GSK3A: variants seen among roughly 807,000 people sequenced by gnomAD.
The protein encoded by GSK3A is glycogen synthase kinase 3 alpha, also known as glycogen synthase kinase-3 alpha.
Under a neutral mutation model 56.6 loss-of-function variants are expected in GSK3A, and 14 were observed. That is an observed-to-expected ratio of 0.25 (90% CI 0.16 to 0.39). The LOEUF is 0.39. Among genes scored for constraint, GSK3A ranks in the 10% least tolerant of loss-of-function variants. GSK3A has a pLI of 1.00. For synonymous variants in GSK3A, 301 were observed against 285.0 expected (o/e 1.06, Z -0.56); for missense variants, 450 against 656.0 (o/e 0.69, Z 3.43).
chr19:42,234,248 AG>A lies in GSK3A; in HGVS notation c.904+104del. The A allele has an allele frequency of 4.9e-6, 4 of 818,368 alleles. No individual in the cohort carries two copies. Among genetic ancestry groups the A allele is most frequent in the Non-Finnish European group, 8.5e-6 (4 of 467,974 alleles). The allele number at this position is 818,368 out of a possible 1,614,324, so 50.7% of individuals were successfully genotyped here. On this transcript the variant is annotated intron_variant, in intron 6 of 10. Coordinates refer to ENST00000222330, the MANE Select transcript of GSK3A (RefSeq NM_019884.3). This position sits in a 1 kb window ranked among gnomAD's most constrained non-coding sequence, Gnocchi z 5.7. Reference sequence around the variant, plus strand: ...CCTAAGTTTGTGAGGACTGGATACAAGAACAGAAGTTAAGCTTTCATCACCA... The same window carrying A: ...CCTAAGTTTGTGAGGACTGGATACAAAACAGAAGTTAAGCTTTCATCACCA...
intron 9 of GSK3A, 93 bp downstream of exon 9, chr19:42,232,403 G>T: frequency 8.3e-7 from 1 of 1,200,652 alleles, no homozygotes; most frequent in Non-Finnish European, 1.2e-6. Flanking sequence ...CCTGCCCTTA[G>T]CTCCCCACTC....
At chr19:42,232,845 G>T in intron 8 of GSK3A, 163 bp from the exon 9 acceptor site, 1 of 628,952 alleles carries the variant, frequency 1.6e-6, no homozygotes, top group Non-Finnish European at 2.7e-6. Context: ...GGAGAGGTCA[G>T]TTTGTATCGG....
chr19:42,241,987 T>C (rs915675358), intron 1 of GSK3A, 196 bp downstream of exon 1: 13 of 424,322 alleles, frequency 3.1e-5, no homozygotes, highest in Non-Finnish European at 5.2e-5. Flanking sequence ...GTAATTCTGA[T>C]CCACGAGTAA....
chr19:42,232,498 C>G lies in GSK3A; in HGVS notation c.1283G>C (p.Gly428Ala). 2 of 1,614,008 alleles carry G rather than the reference C, an allele frequency of 1.2e-6. No homozygotes were observed. Among genetic ancestry groups the G allele is most frequent in the Non-Finnish European group, 1.7e-6 (2 of 1,179,914 alleles). Residue 428 changes from glycine to alanine, a missense_variant and splice_region_variant, in exon 9 of 11, where the codon GGT becomes GCT. Physicochemically the swap from Gly to Ala is moderately conservative, Grantham distance 60. This residue lies in a region of GSK3A where 113 missense variants were observed against 147.5 expected (regional missense o/e 0.77). Transcript: ENST00000222330. The stretch of plus-strand genomic sequence containing the variant: ...CAGATCCCAGGCTATGCCCTCACCA[C>G]CAGCACTGAAGTTGAAGAGAGGGGG... ...PLPPLFNFSA[G>A]ELSIQPSLNA...
rs777463616 is a variant in GSK3A at position 42,232,140 on chromosome 19, A to G, written c.1295T>C (p.Ile432Thr). The G allele has an allele frequency of 3.8e-6, 6 of 1,598,744 alleles. No homozygotes were observed. In the Admixed American group the frequency reaches 5.0e-5, roughly 13 times the overall value. Residue 432 changes from isoleucine (I) to threonine (T), a missense_variant, in exon 10 of 11, where the codon ATC becomes ACC. Coordinates refer to ENST00000222330, the MANE Select transcript of GSK3A (RefSeq NM_019884.3). ...GAGAATGGCGTTGAGAGACGGTTGG[A>G]TGGAGAGTTCTAGAAACAGGAATTG... Reference protein sequence around the residue: ...LFNFSAGELSIQPSLNAILIP... With the variant: ...LFNFSAGELSTQPSLNAILIP...
At chr19:42,237,772 G>A (rs576960096) in intron 2 of GSK3A, among the ~76,000 whole-genome samples, 30 of 151,656 alleles carry the variant, frequency 2.0e-4, no homozygotes, top group African/African-American at 7.0e-4. Context: ...CCAGCTACTC[G>A]GGAGGCTGAG....
rs2036228309 is a variant in GSK3A, at chr19:42,232,159, G to A, written c.1286-10C>T. 1 of 1,518,190 alleles carries A rather than the reference G, an allele frequency of 6.6e-7. No individual in the cohort carries two copies. The highest frequency in any genetic ancestry group is 2.3e-5 in the East Asian group (1 of 44,368). The allele number at this position is 1,518,190 out of a possible 1,614,324, so 94.0% of individuals were successfully genotyped here. On this transcript the variant is annotated splice_polypyrimidine_tract_variant and intron_variant, in intron 9 of 10. Coordinates refer to ENST00000222330, the MANE Select transcript of GSK3A (RefSeq NM_019884.3). ...GGTTGGATGGAGAGTTCTAGAAACA[G>A]GAATTGACATGCTAGTCAGGGTAGA...
In GSK3A at chr19:42,242,390, C is replaced by T; in HGVS notation, c.76G>A (p.Gly26Ser). The change falls in exon 1 of 11, where the codon GGC becomes AGC. Residue 26 changes from glycine to serine, a missense_variant. Around this residue, in one of 3 missense-constraint regions of GSK3A, gnomAD observed 193 missense variants for 200.5 expected, o/e 0.96. Coordinates refer to ENST00000222330, the MANE Select transcript of GSK3A (RefSeq NM_019884.3). The part of the protein sequence containing the change: ...RARTSSFAEP[G>S]GGGGGGGGGP... The stretch of plus-strand genomic sequence containing the variant: ...CCGCCGCCTCCTCCGCCTCCGCCGC[C>T]GGGCTCCGCGAACGAGCTAGTCCGC... The T allele has an allele frequency of 1.4e-6, 2 of 1,388,348 alleles. No homozygotes were observed. The highest frequency in any genetic ancestry group is 9.3e-7 in the Non-Finnish European group (1 of 1,072,724). The allele number at this position is 1,388,348 out of a possible 1,614,324, so 86.0% of individuals were successfully genotyped here. A position where few individuals can be genotyped will look rare whatever the true frequency, so the allele number is the denominator to read the frequency against.
chr19:42,242,170 C>T lies in GSK3A; in HGVS notation c.283+13G>A. On this transcript the variant is annotated intron_variant, in intron 1 of 10. Coordinates refer to ENST00000222330, the MANE Select transcript of GSK3A (RefSeq NM_019884.3). ...CCTAATCACCACCCTACACGGGCGC[C>T]ACTAGTACTCACGGCCCAGCTTCAC... 1 of 1,392,126 alleles carries T rather than the reference C, an allele frequency of 7.2e-7. No homozygotes were observed. Among genetic ancestry groups the T allele is most frequent in the Non-Finnish European group, 9.3e-7 (1 of 1,076,540 alleles). 86.2% of individuals were successfully genotyped at this position (1,392,126 alleles called of 1,614,324 possible).
chr19:42,234,711 C>T lies in GSK3A; in HGVS notation c.667-33G>A. ...GGGCACAGGATAGCAGAACTTTAGC[C>T]CAGCTTTCCCCATACAGCACCACTA... On this transcript the variant is annotated intron_variant, in intron 4 of 10. Transcript: ENST00000222330. This position sits in a 1 kb window ranked among gnomAD's most constrained non-coding sequence, Gnocchi z 5.7. 1 of 1,514,756 alleles carries T rather than the reference C, an allele frequency of 6.6e-7. No homozygotes were observed. The highest frequency in any genetic ancestry group is 2.0e-5 in the Admixed American group (1 of 49,494). The allele number at this position is 1,514,756 out of a possible 1,614,324, so 93.8% of individuals were successfully genotyped here.
Position 42,232,561 on chromosome 19 carries a change from C to T in GSK3A, c.1220G>A (p.Arg407Gln), listed in dbSNP as rs574208169. 2 of 1,614,116 alleles carry T rather than the reference C, an allele frequency of 1.2e-6. No homozygotes were observed. Among genetic ancestry groups the T allele is most frequent in the Non-Finnish European group, 1.7e-6 (2 of 1,180,018 alleles). The change falls in exon 9 of 11, where the codon CGA becomes CAA. Residue 407 changes from arginine (R) to glutamine (Q), a missense_variant. This residue lies in a region of GSK3A where 113 missense variants were observed against 147.5 expected (regional missense o/e 0.77). Coordinates refer to ENST00000222330, the MANE Select transcript of GSK3A (RefSeq NM_019884.3). ...GTTAGGCAGCTGGGTTCCCAGACATCGCAGTTCATCAAAGAAGCTGTGCGC... is the reference window on the plus strand; with the variant it reads ...GTTAGGCAGCTGGGTTCCCAGACATTGCAGTTCATCAAAGAAGCTGTGCGC... Reference protein sequence around the residue: ...ACAHSFFDELRCLGTQLPNNR... With the variant: ...ACAHSFFDELQCLGTQLPNNR...
intron 2 of GSK3A, 81 bp downstream of exon 2, chr19:42,239,874 G>C: frequency 8.5e-7 from 1 of 1,173,542 alleles, no homozygotes; most frequent in South Asian, 1.3e-5. Flanking sequence ...TGAAACCCAA[G>C]CCTCCAGCTC....
In GSK3A at chr19:42,240,021, C is replaced by T. The variant is rs746765602; in HGVS notation, c.405G>A (p.Gln135=). Residue 135 remains glutamine (Q), a synonymous_variant, in exon 2 of 11, where the codon CAG becomes CAA. Coordinates refer to ENST00000222330, the MANE Select transcript of GSK3A (RefSeq NM_019884.3). ...IGNGSFGVVY[Q]ARLAETRELV... ...GTTCCCTGGTCTCTGCCAGCCGTGC[C>T]TGGTACACGACCCCAAATGAGCCAT... 58 of 1,614,080 alleles carry T rather than the reference C, an allele frequency of 3.6e-5. No homozygotes were observed. The highest frequency in any genetic ancestry group is 1.7e-4 in the Admixed American group (10 of 60,008).
Position 42,234,162 on chromosome 19 carries a change from G to A in GSK3A, c.904+191C>T, listed in dbSNP as rs1002092616. 3.3e-5 allele frequency among the ~76,000 whole-genome samples: 5 copies of A among 152,152 alleles called. No homozygotes were observed. The highest frequency in any genetic ancestry group is 9.7e-5 in the African/African-American group (4 of 41,422). On this transcript the variant is annotated intron_variant, in intron 6 of 10. Transcript: ENST00000222330. This position sits in a 1 kb window ranked among gnomAD's most constrained non-coding sequence, Gnocchi z 5.7. Reference sequence around the variant, plus strand: ...TGCCCAGTCCTAGTGGTGCCAGTGCGGGCAGGCGGCCTCACAGCTCTAAGC... The same window carrying A: ...TGCCCAGTCCTAGTGGTGCCAGTGCAGGCAGGCGGCCTCACAGCTCTAAGC...
chr19:42,233,345 A>G lies in GSK3A; in HGVS notation c.943T>C (p.Leu315=), dbSNP rs771258407. 11 of 1,589,414 alleles carry G rather than the reference A, an allele frequency of 6.9e-6. No individual in the cohort carries two copies. The Admixed American group carries it at 1.9e-4, about 28-fold the overall frequency. The change falls in exon 7 of 11, where the codon TTG becomes CTG. Residue 315 remains leucine, a synonymous_variant. Coordinates refer to ENST00000222330, the MANE Select transcript of GSK3A (RefSeq NM_019884.3). ...SAGCVLAELL[L]GQPIFPGDSG... ...TCCCCAGGGAAGATGGGCTGGCCCA[A>G]GAGGAGCTCTGCCAGTACACAGCCA...
rs2036217835 is a variant in GSK3A, at chr19:42,230,732, C to T, written c.*62G>A. On this transcript the variant is annotated 3_prime_UTR_variant, in exon 11 of 11. Coordinates refer to ENST00000222330, the MANE Select transcript of GSK3A (RefSeq NM_019884.3). ...AGGGCAGGAGCTTGATGGGCTATGGCCCCCCTTCCCAGCCCCTCTTGGGGC... is the reference window on the plus strand; with the variant it reads ...AGGGCAGGAGCTTGATGGGCTATGGTCCCCCTTCCCAGCCCCTCTTGGGGC... 2 of 1,273,636 alleles carry T rather than the reference C, an allele frequency of 1.6e-6. No individual in the cohort carries two copies. The highest frequency in any genetic ancestry group is 1.3e-5 in the South Asian group (1 of 78,534). 78.9% of individuals were successfully genotyped at this position (1,273,636 alleles called of 1,614,324 possible).
chr19:42,233,411 G>A, intron 6 of GSK3A, 28 bp from the exon 7 acceptor site: 1 of 1,467,828 alleles, frequency 6.8e-7, no homozygotes, highest in Non-Finnish European at 9.3e-7. Context: ...GAGCGTCAGG[G>A]CTAGGCGAGT....
At chr19:42,237,091 A>T in intron 2 of GSK3A, 150 bp from the exon 3 acceptor site, 2 of 657,544 alleles carry the variant, frequency 3.0e-6, no homozygotes, top group South Asian at 1.7e-5. Context: ...TTGTCTCCAG[A>T]CTATTCCCCT....
chr19:42,232,870 C>A, intron 8 of GSK3A, 188 bp from the exon 9 acceptor site: 1 of 593,224 alleles, frequency 1.7e-6, no homozygotes, highest in East Asian at 3.0e-5. Flanking sequence ...GCAGGCAGCC[C>A]AGGTCTGGGA....
Sources: allele counts gnomAD v4.1 joint callset (sites outside exome capture counted in the v4.1 genomes callset), GRCh38; gene constraint gnomAD v4.1.1; regional missense constraint gnomAD v4.1.1; non-coding constraint Gnocchi (gnomAD v3.1); transcripts MANE v1.5; gene names NCBI Gene and HGNC (gene_info 2026-07-23, HGNC 2026-07-21).